CSMD3: variants seen among roughly 807,000 people sequenced by gnomAD.
CSMD3 encodes the protein CUB and Sushi multiple domains 3, also known as CUB and sushi domain-containing protein 3.
Under a neutral mutation model 435.2 loss-of-function variants are expected in CSMD3, and 177 were observed. The observed-to-expected ratio is 0.41, with a 90% CI of 0.36 to 0.46. The LOEUF is 0.46. Among genes scored for constraint, CSMD3 ranks in the 20% least tolerant of loss-of-function variants. CSMD3 has a pLI of 0.34. For synonymous variants in CSMD3, 1,656 were observed against 1,520.5 expected, an observed-to-expected ratio of 1.09 and a Z score of -2.07; for missense variants, 4,265 against 4,504.6, an observed-to-expected ratio of 0.95 and a Z score of 1.52.
At chr8:112,405,220 TATATATATATATATATATATATATATAC>T (rs1831712145) in intron 35 of CSMD3, among the ~76,000 whole-genome samples, 6 of 31,410 alleles carry the variant, frequency 1.9e-4, no homozygotes, top group African/African-American at 4.4e-4. Flanking sequence ...CCCCCATATA[TATATATATATATATATATATATATATAC>T]ATATATATAT....
intron 6 of CSMD3, among the ~76,000 whole-genome samples, chr8:113,006,571 C>T (rs541995737): frequency 1.3e-5 from 2 of 151,956 alleles, no homozygotes; most frequent in African/African-American, 4.8e-5. Context: ...CAAACTCATA[C>T]AGAAATAAGC....
intron 3 of CSMD3, among the ~76,000 whole-genome samples, chr8:113,176,475 A>G (rs1384732570): frequency 1.3e-5 from 2 of 152,156 alleles, no homozygotes; most frequent in East Asian, 3.9e-4. Context: ...CCCACCATCA[A>G]AAAAGATTAT....
intron 5 of CSMD3, among the ~76,000 whole-genome samples, chr8:113,085,633 T>G (rs1207033528): frequency 2.0e-5 from 3 of 152,124 alleles, no homozygotes; most frequent in Non-Finnish European, 4.4e-5. Flanking sequence ...AATGGCAACA[T>G]GTATGAACCT....
intron 23 of CSMD3, among the ~76,000 whole-genome samples, chr8:112,574,175 T>G (rs1829758023): frequency 6.7e-6 from 1 of 150,060 alleles, no homozygotes; most frequent in Non-Finnish European, 1.5e-5. Context: ...TTTTAGAAAC[T>G]AATTTAATAA....
chr8:112,558,001 G>C (rs550277976), intron 24 of CSMD3, among the ~76,000 whole-genome samples: 1 of 151,974 alleles, frequency 6.6e-6, no homozygotes, highest in South Asian at 2.1e-4. Context: ...TGCAAGTAGT[G>C]TTAGAATTGA....
intron 10 of CSMD3, among the ~76,000 whole-genome samples, chr8:112,892,278 C>G (rs181302158): frequency 4.0e-5 from 6 of 151,170 alleles, no homozygotes; most frequent in Admixed American, 6.6e-5. Flanking sequence ...AAAAATTGTT[C>G]CTTTTTTTTC....
intron 5 of CSMD3, among the ~76,000 whole-genome samples, chr8:113,095,223 C>T (rs1362210824): frequency 3.3e-5 from 5 of 152,156 alleles, no homozygotes; most frequent in Admixed American, 3.3e-4. Flanking sequence ...TCAAAGTTAA[C>T]AGTGACTTCC....
chr8:112,324,513 T>C (rs950500436), intron 45 of CSMD3, among the ~76,000 whole-genome samples: 4 of 152,014 alleles, frequency 2.6e-5, no homozygotes, highest in African/African-American at 7.2e-5. Context: ...GCTCTGTATA[T>C]GCTAATAGTT....
At chr8:112,763,224 A>C (rs1286331406) in intron 13 of CSMD3, among the ~76,000 whole-genome samples, 2 of 151,650 alleles carry the variant, frequency 1.3e-5, no homozygotes, top group African/African-American at 4.8e-5. Context: ...TTACTTATTA[A>C]AATGATAAAA....
At chr8:113,351,604 A>C (rs1351456314) in intron 1 of CSMD3, among the ~76,000 whole-genome samples, 1 of 152,134 alleles carries the variant, frequency 6.6e-6, no homozygotes, top group Admixed American at 6.6e-5. Flanking sequence ...TTAGTCCTGA[A>C]ATTGAATGTA....
At chr8:112,286,254 G>A (rs955979742) in intron 58 of CSMD3, among the ~76,000 whole-genome samples, 7 of 152,044 alleles carry the variant, frequency 4.6e-5, no homozygotes, top group African/African-American at 1.4e-4. Flanking sequence ...CTACAATATA[G>A]GTACACTAGT....
chr8:113,388,055 T>C (rs73701378), intron 1 of CSMD3, among the ~76,000 whole-genome samples: 1,574 of 151,776 alleles, frequency 0.01, 37 homozygotes, highest in African/African-American at 0.036. Context: ...GGGTTAAAGA[T>C]AAGCCTGAAT....
chr8:112,685,752 A>C lies in CSMD3; in HGVS notation c.2156-20T>G. 7.1e-7 allele frequency: 1 copy of C among 1,399,154 alleles called. No homozygotes were observed. The highest frequency in any genetic ancestry group is 1.0e-6 in the Non-Finnish European group (1 of 986,062). 86.7% of individuals were successfully genotyped at this position (1,399,154 alleles called of 1,614,324 possible). On this transcript the variant is annotated intron_variant, in intron 14 of 70. Coordinates refer to ENST00000297405, the MANE Select transcript of CSMD3 (RefSeq NM_198123.2). ...AGGGAACTGGTGAAACAGGAAGATT[A>C]TGAAATACAATAAATATTCAAAAAT...
At chr8:113,151,477 GAAT>G (rs1332026059) in intron 4 of CSMD3, among the ~76,000 whole-genome samples, 4 of 151,152 alleles carry the variant, frequency 2.6e-5, no homozygotes, top group Non-Finnish European at 4.4e-5. Flanking sequence ...GAAATATTGA[GAAT>G]AATATAAACA....
intron 2 of CSMD3, among the ~76,000 whole-genome samples, chr8:113,305,378 T>G (rs189406443): frequency 2.2e-3 from 342 of 152,336 alleles, no homozygotes; most frequent in African/African-American, 7.9e-3. Flanking sequence ...AATATTTTAT[T>G]AAATATTTTT....
At chr8:113,165,190 G>T (rs915617984) in intron 4 of CSMD3, among the ~76,000 whole-genome samples, 1 of 152,048 alleles carries the variant, frequency 6.6e-6, no homozygotes, top group Non-Finnish European at 1.5e-5. Context: ...TAAGACATGG[G>T]CCTATATAAT....
intron 34 of CSMD3, among the ~76,000 whole-genome samples, chr8:112,408,042 G>C (rs965345661): frequency 7.9e-5 from 12 of 151,828 alleles, no homozygotes; most frequent in African/African-American, 2.7e-4. Context: ...AGAAAATGTA[G>C]ATAGTAAAGG....
chr8:112,851,695 C>A (rs1027729848), intron 11 of CSMD3, among the ~76,000 whole-genome samples: 4 of 150,904 alleles, frequency 2.7e-5, no homozygotes, highest in Non-Finnish European at 4.4e-5. Flanking sequence ...ACCTGGGAGG[C>A]GAAGGTTGCA....
In CSMD3 at chr8:113,033,451, T is replaced by A. The variant is rs894174131; in HGVS notation, c.918-14272A>T. Among the ~76,000 whole-genome samples the A allele has an allele frequency of 4.0e-5, 6 of 151,618 alleles. 1 individual carries two copies. The highest frequency in any genetic ancestry group is 1.5e-4 in the African/African-American group (6 of 41,378). On this transcript the variant is annotated intron_variant, in intron 5 of 70. Transcript: ENST00000297405. ...AGATTTAATGACTGCCCCAACAGGG[T>A]TTAGACTTGCATGGAGCCTGTGGCC...
Sources: gnomAD v4.1 joint callset for allele counts (sites outside exome capture counted in the v4.1 genomes callset) on GRCh38, gnomAD v4.1.1 for gene constraint, MANE v1.5 for transcripts, NCBI Gene and HGNC (gene_info 2026-07-23, HGNC 2026-07-21) for gene names.